NRXN3: variants seen among roughly 807,000 people sequenced by gnomAD.
NRXN3 encodes neurexin III.
In NRXN3, 32 loss-of-function variants were observed where a neutral mutation model predicts 137.6. That is an observed-to-expected ratio of 0.23 (90% CI 0.18 to 0.31). The LOEUF (loss-of-function observed/expected upper bound fraction) is 0.31. Ranked by LOEUF, NRXN3 falls within the 10% of genes least tolerant of loss-of-function variation. The pLI is 1.00. For synonymous variants in NRXN3, 798 were observed against 784.5 expected (o/e 1.02, Z -0.29); for missense variants, 1,574 against 2,062.5 (o/e 0.76, Z 4.59).
In NRXN3 at chr14:79,358,589, AAGAAAGAAAGAAAGAAAG is replaced by A. The variant is rs1398680744; in HGVS notation, c.3263-108612_3263-108595del. ...AAAAAAAAAAAGAAAGAAAGAGAGAAAGAAAGAAAGAAAGAAAGAGAAAGAAAGAAAGAAAGAAAGAAA... is the reference window on the plus strand; with the variant it reads ...AAAAAAAAAAAGAAAGAAAGAGAGAAAGAAAGAAAGAAAGAAAGAAAGAAA... On this transcript the variant is annotated intron_variant, in intron 15 of 20. Coordinates refer to ENST00000335750, the MANE Select transcript of NRXN3 (RefSeq NM_001330195.2). 5.5e-4 allele frequency among the ~76,000 whole-genome samples: 56 copies of A among 102,080 alleles called. 1 individual carries two copies. The South Asian group carries it at 0.015, about 27-fold the overall frequency. The allele number at this position is 102,080 out of a possible 152,430, so 67.0% of individuals were successfully genotyped here.
intron 15 of NRXN3, among the ~76,000 whole-genome samples, chr14:79,259,592 G>GTT (rs2077268816): frequency 6.8e-6 from 1 of 146,450 alleles, no homozygotes; most frequent in Non-Finnish European, 1.5e-5. Context: ...TATATATAGA[G>GTT]TTATATATAT....
Position 79,501,846 on chromosome 14 carries a change from C to T in NRXN3, c.3444+34444C>T, listed in dbSNP as rs184865782. Among the ~76,000 whole-genome samples the T allele has an allele frequency of 1.6e-3, 245 of 151,742 alleles. 1 individual carries two copies. The highest frequency in any genetic ancestry group is 2.1e-3 in the Non-Finnish European group (142 of 67,950). ...AGGCTACTGTGATAGGGGTGGATGT[C>T]GGAGAGGAAGGACAGAGGTGGGGCT... On this transcript the variant is annotated intron_variant, in intron 16 of 20. Coordinates refer to ENST00000335750, the MANE Select transcript of NRXN3 (RefSeq NM_001330195.2).
intron 15 of NRXN3, among the ~76,000 whole-genome samples, chr14:79,442,655 T>C (rs2095985079): frequency 1.3e-5 from 2 of 152,192 alleles, no homozygotes; most frequent in South Asian, 4.1e-4. Context: ...ATTTTGTTCT[T>C]AAAAAGCAGG....
At chr14:78,867,084 A>G (rs1253390772) in intron 10 of NRXN3, among the ~76,000 whole-genome samples, 1 of 152,152 alleles carries the variant, frequency 6.6e-6, no homozygotes, top group Non-Finnish European at 1.5e-5. Context: ...GGCGTGGGCC[A>G]CCGCACCTGG....
At chr14:78,931,351 C>G (rs2099321347) in intron 10 of NRXN3, among the ~76,000 whole-genome samples, 1 of 151,994 alleles carries the variant, frequency 6.6e-6, no homozygotes, top group Non-Finnish European at 1.5e-5. Flanking sequence ...ATTGTCCTAC[C>G]AGCAATACTG....
At chr14:78,807,039 C>T (rs368817917) in intron 9 of NRXN3, among the ~76,000 whole-genome samples, 34 of 152,262 alleles carry the variant, frequency 2.2e-4, no homozygotes, top group African/African-American at 7.9e-4. Context: ...GCTAGATCAG[C>T]CTGCGTTATT....
intron 16 of NRXN3, among the ~76,000 whole-genome samples, chr14:79,510,637 C>A (rs1197804068): frequency 6.6e-6 from 1 of 152,066 alleles, no homozygotes; most frequent in Non-Finnish European, 1.5e-5. Flanking sequence ...TCTAGAACTA[C>A]CCAGGAGGGT....
At position 79,519,447 on chromosome 14, in the gene NRXN3, T is replaced by C. The variant is rs186627701; in HGVS notation, c.3444+52045T>C. Among the ~76,000 whole-genome samples the C allele has an allele frequency of 2.6e-5, 4 of 152,246 alleles. No homozygotes were observed. In the East Asian group the frequency reaches 7.7e-4, roughly 29 times the overall value. Reference sequence around the variant, plus strand: ...TATATGAATTGGCCCTTTATGTTTTTCTTAAACATATTTTATGTTTGTTTA... The same window carrying C: ...TATATGAATTGGCCCTTTATGTTTTCCTTAAACATATTTTATGTTTGTTTA... On this transcript the variant is annotated intron_variant, in intron 16 of 20. Transcript: ENST00000335750.
intron 1 of NRXN3, among the ~76,000 whole-genome samples, chr14:78,232,142 A>C (rs1567029850): frequency 6.6e-6 from 1 of 152,212 alleles, no homozygotes; most frequent in Non-Finnish European, 1.5e-5. Flanking sequence ...TGCCCGGTAG[A>C]TGGGGCTGTG....
chr14:78,604,063 T>C (rs116056701), intron 4 of NRXN3, among the ~76,000 whole-genome samples: 1 of 152,134 alleles, frequency 6.6e-6, no homozygotes, highest in Admixed American at 6.5e-5. Flanking sequence ...AGGGATGTCT[T>C]ACACGGAGGC....
chr14:78,381,129 A>G (rs558234186), intron 4 of NRXN3, among the ~76,000 whole-genome samples: 88 of 152,322 alleles, frequency 5.8e-4, no homozygotes, highest in African/African-American at 2.0e-3. Context: ...CCTAAGTATC[A>G]CTACTTATTA....
intron 11 of NRXN3, among the ~76,000 whole-genome samples, chr14:78,959,665 C>T (rs1454468548): frequency 6.6e-6 from 1 of 152,122 alleles, no homozygotes; most frequent in Non-Finnish European, 1.5e-5. Flanking sequence ...GTGCCTGGAG[C>T]ATAAATTTGC....
chr14:78,373,250 G>C (rs1046799872), intron 4 of NRXN3, among the ~76,000 whole-genome samples: 1 of 109,906 alleles, frequency 9.1e-6, no homozygotes, highest in African/African-American at 3.5e-5. Flanking sequence ...GTTGTAGGTA[G>C]GTTGGGAACA....
At chr14:78,465,627 T>A (rs2095077354) in intron 4 of NRXN3, among the ~76,000 whole-genome samples, 1 of 152,020 alleles carries the variant, frequency 6.6e-6, no homozygotes, top group Admixed American at 6.6e-5. Context: ...AACCTCTGCC[T>A]CCCAGGTTCA....
intron 4 of NRXN3, among the ~76,000 whole-genome samples, chr14:78,341,839 G>A (rs2082176800): frequency 6.6e-6 from 1 of 152,156 alleles, no homozygotes; most frequent in Admixed American, 6.5e-5. Flanking sequence ...CTGATAAACA[G>A]TCTTTACATC....
chr14:78,938,327 C>T (rs1242727526), intron 10 of NRXN3, among the ~76,000 whole-genome samples: 1 of 152,188 alleles, frequency 6.6e-6, no homozygotes, highest in Non-Finnish European at 1.5e-5. Context: ...TTTCTCACAC[C>T]CTGCTGGCTC....
intron 6 of NRXN3, among the ~76,000 whole-genome samples, chr14:78,706,600 T>A (rs1250455821): frequency 6.6e-6 from 1 of 152,192 alleles, no homozygotes; most frequent in East Asian, 1.9e-4. Flanking sequence ...TCTCTGTGTC[T>A]GTTTCTGCAT....
At chr14:79,101,622 ATCT>A (rs768648419) in intron 15 of NRXN3, among the ~76,000 whole-genome samples, 2 of 152,180 alleles carry the variant, frequency 1.3e-5, no homozygotes, top group Non-Finnish European at 2.9e-5. Context: ...TTCTGCAAAC[ATCT>A]TCTCCATCCT....
chr14:78,432,475 G>C (rs138033224), intron 4 of NRXN3, among the ~76,000 whole-genome samples: 111 of 152,224 alleles, frequency 7.3e-4, no homozygotes, highest in African/African-American at 2.6e-3. Flanking sequence ...TGACCCTGTC[G>C]ACCCAACAGT....
Sources: allele counts gnomAD v4.1 joint callset (sites outside exome capture counted in the v4.1 genomes callset), GRCh38; gene constraint gnomAD v4.1.1; transcripts MANE v1.5; gene names NCBI Gene and HGNC (gene_info 2026-07-23, HGNC 2026-07-21).